SNX30: variants seen among roughly 807,000 people sequenced by gnomAD.
SNX30 encodes sorting nexin family member 30.
In SNX30, 24 loss-of-function variants were observed where a neutral mutation model predicts 46.4. The ratio of observed to expected loss-of-function variants is 0.52; its 90% CI spans 0.37 to 0.73. The LOEUF is 0.73. SNX30 is among the 30% of genes least tolerant of loss of function. The pLI is 0.00. For missense variants in SNX30, 533 were observed against 555.7 expected (o/e 0.96, Z 0.41); for synonymous variants, 189 against 211.5 (o/e 0.89, Z 0.92).
chr9:112,879,560 C>T (rs538557225), downstream of SNX30: 20 of 538,502 alleles, frequency 3.7e-5, no homozygotes, highest in South Asian at 3.9e-4. Context: ...AAGCTGAGAA[C>T]GTTTTTCCAT....
chr9:112,813,170 C>A (rs1052425501), intron 2 of SNX30, among the ~76,000 whole-genome samples: 16 of 151,916 alleles, frequency 1.1e-4, no homozygotes, highest in African/African-American at 3.6e-4. Flanking sequence ...CCCAAAACAA[C>A]AATGTCTTAT....
intron 1 of SNX30, among the ~76,000 whole-genome samples, chr9:112,757,303 C>T (rs566978247): frequency 3.9e-5 from 6 of 152,304 alleles, no homozygotes; most frequent in South Asian, 4.1e-4. Flanking sequence ...GGCTCATTCA[C>T]GTTATGGCAA....
At chr9:112,876,645 T>C (rs1471413957), downstream of SNX30, among the ~76,000 whole-genome samples, 1 of 148,648 alleles carries the variant, frequency 6.7e-6, no homozygotes, top group Non-Finnish European at 1.5e-5. Flanking sequence ...CCTCAAGAAT[T>C]AAGAATACAG....
intron 1 of SNX30, among the ~76,000 whole-genome samples, chr9:112,763,949 C>G (rs1467456447): frequency 2.0e-5 from 3 of 151,978 alleles, no homozygotes; most frequent in East Asian, 3.8e-4. Flanking sequence ...TTTAGGGTAC[C>G]CATCACCCAA....
At chr9:112,845,784 A>G (rs1396412208) in intron 6 of SNX30, among the ~76,000 whole-genome samples, 1 of 152,242 alleles carries the variant, frequency 6.6e-6, no homozygotes, top group Non-Finnish European at 1.5e-5. Context: ...GAGAATGTCA[A>G]CAAGCCCTCT....
At chr9:112,834,843 A>AACACACACACACACACACACAC (rs79118828) in intron 4 of SNX30, among the ~76,000 whole-genome samples, 7 of 78,396 alleles carry the variant, frequency 8.9e-5, no homozygotes, top group East Asian at 3.6e-4. Flanking sequence ...CACACACACA[A>AACACACACACACACACACACAC]ACACACACAC....
chr9:112,882,665 A>C (rs1841594981), downstream of SNX30, among the ~76,000 whole-genome samples: 1 of 152,074 alleles, frequency 6.6e-6, no homozygotes, highest in African/African-American at 2.4e-5. Flanking sequence ...TAGAATCAAT[A>C]TATTAGGCCT....
chr9:112,806,530 G>GA (rs960221211), intron 2 of SNX30, among the ~76,000 whole-genome samples: 5 of 151,870 alleles, frequency 3.3e-5, no homozygotes, highest in Non-Finnish European at 5.9e-5. Context: ...TTTCATTGTA[G>GA]AAAAAAATCA....
intron 4 of SNX30, among the ~76,000 whole-genome samples, chr9:112,831,345 C>G (rs1230728041): frequency 6.6e-6 from 1 of 152,136 alleles, no homozygotes; most frequent in African/African-American, 2.4e-5. Context: ...GGGCCCCACC[C>G]ACTTGCAGCA....
intron 6 of SNX30, among the ~76,000 whole-genome samples, chr9:112,844,942 TGAAATGAAGAGTTTTCTG>T: frequency 6.6e-6 from 1 of 152,298 alleles, no homozygotes. Flanking sequence ...TTTCCAAAAC[TGAAATGAAGAGTTTTCTG>T]GAAGATTGAT....
At chr9:112,818,655 G>A (rs922027018) in intron 3 of SNX30, among the ~76,000 whole-genome samples, 4 of 152,206 alleles carry the variant, frequency 2.6e-5, no homozygotes, top group African/African-American at 9.7e-5. Flanking sequence ...AAACTCCTCA[G>A]AGGGGCTGAT....
chr9:112,820,731 A>G (rs1434506062), intron 3 of SNX30, among the ~76,000 whole-genome samples: 1 of 152,174 alleles, frequency 6.6e-6, no homozygotes, highest in Non-Finnish European at 1.5e-5. Context: ...CCACTCATGT[A>G]CTTTCTACAG....
At chr9:112,817,401 C>CTTTTGTTTTTTTTTTTT (rs1840414576) in intron 2 of SNX30, among the ~76,000 whole-genome samples, 1 of 46,832 alleles carries the variant, frequency 2.1e-5, no homozygotes, top group Non-Finnish European at 3.4e-5. Context: ...AAAAAACTGG[C>CTTTTGTTTTTTTTTTTT]TTTTTTTTTT....
intron 8 of SNX30, among the ~76,000 whole-genome samples, chr9:112,868,365 A>G (rs913059342): frequency 5.9e-5 from 9 of 152,160 alleles, no homozygotes; most frequent in Non-Finnish European, 1.5e-5. Flanking sequence ...GCCTGCTCCA[A>G]CTATGATTTC....
chr9:112,831,015 G>A, intron 4 of SNX30, 132 bp downstream of exon 4: 3 of 908,306 alleles, frequency 3.3e-6, no homozygotes, highest in East Asian at 5.7e-5. Context: ...TTGTGCGCCT[G>A]TAGTCCCAGC....
At chr9:112,828,022 ACAGG>A (rs1231324702) in intron 3 of SNX30, among the ~76,000 whole-genome samples, 1 of 152,238 alleles carries the variant, frequency 6.6e-6, no homozygotes, top group African/African-American at 2.4e-5. Flanking sequence ...GCACACGTTC[ACAGG>A]CAGGAGAGTA....
chr9:112,868,827 A>G lies in SNX30; in HGVS notation c.1298A>G (p.Lys433Arg). The G allele has an allele frequency of 6.2e-7, 1 of 1,614,174 alleles. No individual in the cohort carries two copies. Among genetic ancestry groups the G allele is most frequent in the Non-Finnish European group, 8.5e-7 (1 of 1,180,004 alleles). ...TCGATTATTCCACTACTGCAGGAGA[A>G]ACAAGAGGCCAAGTAAAGTTCTTTC... ...WESIIPLLQE[K>R]QEAK Residue 433 changes from lysine to arginine, a missense_variant, in exon 9 of 9, where the codon AAA becomes AGA. Around this residue, in one of 3 missense-constraint regions of SNX30, gnomAD observed 261 missense variants for 270.9 expected, o/e 0.96. Coordinates refer to ENST00000374232, the MANE Select transcript of SNX30 (RefSeq NM_001012994.2).
At position 112,881,508 on chromosome 9, in the gene SNX30, A is replaced by G. The variant is rs554773211; in HGVS notation, n.3905A>G. The stretch of plus-strand genomic sequence containing the variant: ...CTTGACCCCTGCTGTGGACCACTAC[A>G]GCACAGGCACAAGGCGATGGCCAGC... On this transcript the variant is annotated non_coding_transcript_exon_variant, in exon 6 of 6. Coordinates refer to the SNX30 transcript ENST00000604751. 1.9e-4 allele frequency: 29 copies of G among 152,540 alleles called. No individual in the cohort carries two copies. The South Asian group carries it at 3.7e-3, about 20-fold the overall frequency. The allele number at this position is 152,540 out of a possible 1,614,324, so 9.4% of individuals were successfully genotyped here.
chr9:112,769,126 CAT>C (rs1167507086), intron 1 of SNX30, among the ~76,000 whole-genome samples: 2 of 152,180 alleles, frequency 1.3e-5, no homozygotes, highest in African/African-American at 4.8e-5. Context: ...AATTTGGCAA[CAT>C]ATATCAAAAT....
Sources: allele counts gnomAD v4.1 joint callset (sites outside exome capture counted in the v4.1 genomes callset), GRCh38; gene constraint gnomAD v4.1.1; regional missense constraint gnomAD v4.1.1; transcripts MANE v1.5; gene names NCBI Gene and HGNC (gene_info 2026-07-23, HGNC 2026-07-21).